VWA3A: variants seen among roughly 807,000 people sequenced by gnomAD.
The protein encoded by VWA3A is von Willebrand factor A domain containing 3A, also known as von Willebrand factor A domain-containing protein 3A.
A neutral mutation model predicts 160.4 loss-of-function variants in VWA3A; 134 were observed. That is an observed-to-expected ratio of 0.84 (90% confidence interval 0.73 to 0.96). The LOEUF is 0.96. Ranked by LOEUF, VWA3A falls within the 40% of genes least tolerant of loss-of-function variation. The pLI, the probability that VWA3A is intolerant of heterozygous loss-of-function variation, is 0.00. For synonymous variants in VWA3A, 476 were observed against 543.4 expected, an observed-to-expected ratio of 0.88 and a Z score of 1.72; for missense variants, 1,310 against 1,447.9, an observed-to-expected ratio of 0.90 and a Z score of 1.55.
intron 22 of VWA3A, among the ~76,000 whole-genome samples, chr16:22,139,041 T>G (rs899856793): frequency 1.3e-5 from 2 of 152,070 alleles, no homozygotes; most frequent in Non-Finnish European, 2.9e-5. Flanking sequence ...GCACCTGTGC[T>G]TGTGAGCAGA....
At chr16:22,142,161 T>C (rs2046162520) in intron 24 of VWA3A, among the ~76,000 whole-genome samples, 1 of 152,064 alleles carries the variant, frequency 6.6e-6, no homozygotes, top group African/African-American at 2.4e-5. Context: ...ACTGACTTGA[T>C]TGACAGAGAA....
intron 27 of VWA3A, chr16:22,147,590 G>A: frequency 1.4e-6 from 1 of 703,222 alleles, no homozygotes; most frequent in Non-Finnish European, 2.6e-6. Context: ...TCTGCAGTAG[G>A]ACCTGGTATA....
intron 10 of VWA3A, 73 bp downstream of exon 10, chr16:22,116,940 A>C: frequency 6.7e-7 from 1 of 1,483,366 alleles, no homozygotes; most frequent in South Asian, 1.1e-5. Flanking sequence ...TTGAGGCCTC[A>C]TGCTTGGACA....
At chr16:22,132,845 C>T (rs1324485826) in intron 19 of VWA3A, 55 bp from the exon 20 acceptor site, 4 of 1,560,544 alleles carry the variant, frequency 2.6e-6, no homozygotes, top group Non-Finnish European at 3.5e-6. Context: ...GCCCAGAGCC[C>T]CACAGCTTCA....
At chr16:22,118,123 A>C (rs2045675189) in intron 11 of VWA3A, among the ~76,000 whole-genome samples, 1 of 152,090 alleles carries the variant, frequency 6.6e-6, no homozygotes, top group South Asian at 2.1e-4. Context: ...TCTACAAAAA[A>C]TTTAAAAATT....
At chr16:22,094,981 A>C (rs1404286302) in intron 1 of VWA3A, among the ~76,000 whole-genome samples, 2 of 151,958 alleles carry the variant, frequency 1.3e-5, no homozygotes, top group African/African-American at 4.8e-5. Context: ...AAAAAAAAAA[A>C]AAAACCAAGG....
At chr16:22,101,545 T>A (rs770548783) in intron 5 of VWA3A, among the ~76,000 whole-genome samples, 1 of 152,076 alleles carries the variant, frequency 6.6e-6, no homozygotes, top group Non-Finnish European at 1.5e-5. Flanking sequence ...CTCACATTCA[T>A]GGCAGAAGAT....
chr16:22,128,551 A>G (rs1377861143), intron 17 of VWA3A, among the ~76,000 whole-genome samples: 1 of 152,224 alleles, frequency 6.6e-6, no homozygotes, highest in Non-Finnish European at 1.5e-5. Context: ...AAACAGAACT[A>G]CCATTCAAAG....
chr16:22,155,589 AAGG>A lies in VWA3A; in HGVS notation c.3431_3433del (p.Gly1144del). The A allele has an allele frequency of 1.2e-6, 2 of 1,613,940 alleles. No individual in the cohort carries two copies. Among genetic ancestry groups the A allele is most frequent in the South Asian group, 1.1e-5 (1 of 91,080 alleles). ...AAGGATCCCACATTGCCACCATTTGAAGGAGATGATTTAAGGATCCTGGCCCAG... is the reference window on the plus strand; with the variant it reads ...AAGGATCCCACATTGCCACCATTTGAAGATGATTTAAGGATCCTGGCCCAG... On this transcript the variant is annotated inframe_deletion, in exon 32 of 34. Coordinates refer to ENST00000389398, the MANE Select transcript of VWA3A (RefSeq NM_173615.5).
intron 15 of VWA3A, 128 bp from the exon 16 acceptor site, chr16:22,123,485 T>C (rs1206832137): frequency 3.2e-6 from 5 of 1,581,052 alleles, no homozygotes; most frequent in East Asian, 2.3e-5. Context: ...GGAATGATTA[T>C]ACTGCCTGGA....
intron 31 of VWA3A, 21 bp downstream of exon 31, chr16:22,152,655 G>C: frequency 6.3e-7 from 1 of 1,591,788 alleles, no homozygotes; most frequent in Non-Finnish European, 8.6e-7. Flanking sequence ...GAGCCACTGA[G>C]CATGAGGTCT....
At chr16:22,150,044 A>G in intron 29 of VWA3A, 113 bp downstream of exon 29, 1 of 1,366,632 alleles carries the variant, frequency 7.3e-7, no homozygotes, top group Non-Finnish European at 9.7e-7. Context: ...TTTACAAAGC[A>G]CTACATCATT....
intron 3 of VWA3A, among the ~76,000 whole-genome samples, chr16:22,099,480 C>G (rs1367998707): frequency 1.3e-5 from 2 of 152,142 alleles, no homozygotes; most frequent in Non-Finnish European, 2.9e-5. Context: ...TACCTCAGTT[C>G]CCTGGTCAGC....
intron 3 of VWA3A, among the ~76,000 whole-genome samples, chr16:22,098,653 A>G (rs979077010): frequency 2.6e-5 from 4 of 152,204 alleles, no homozygotes; most frequent in Non-Finnish European, 5.9e-5. Context: ...CATAATTAGC[A>G]TGGCCTAAAG....
chr16:22,115,637 G>C (rs536782270), intron 9 of VWA3A, among the ~76,000 whole-genome samples, 165 bp downstream of exon 9: 1 of 151,042 alleles, frequency 6.6e-6, no homozygotes, highest in Non-Finnish European at 1.5e-5. Context: ...TTTGTGACCA[G>C]TCTGGGCAAC....
chr16:22,144,582 C>T (rs2046214779), intron 26 of VWA3A, among the ~76,000 whole-genome samples, 198 bp downstream of exon 26: 1 of 152,020 alleles, frequency 6.6e-6, no homozygotes, highest in Admixed American at 6.6e-5. Flanking sequence ...GCCTAAGATC[C>T]CATTCCAGGG....
At chr16:22,118,562 T>G (rs1460007714) in intron 11 of VWA3A, among the ~76,000 whole-genome samples, 1 of 152,094 alleles carries the variant, frequency 6.6e-6, no homozygotes, top group Non-Finnish European at 1.5e-5. Flanking sequence ...GGCGGGCGCC[T>G]GTAGTCCCAG....
chr16:22,150,568 A>AG, intron 29 of VWA3A, 127 bp from the exon 30 acceptor site: 1 of 1,119,530 alleles, frequency 8.9e-7, no homozygotes, highest in South Asian at 1.7e-5. Context: ...CTTTTTGAAC[A>AG]GGTCAGTGGC....
At chr16:22,115,902 GA>G (rs1427633169) in intron 9 of VWA3A, among the ~76,000 whole-genome samples, 2 of 37,720 alleles carry the variant, frequency 5.3e-5, no homozygotes, top group Non-Finnish European at 7.9e-5. Flanking sequence ...AGGAAGGAAG[GA>G]AGGAAGGAAG....
Sources: gnomAD v4.1 joint callset for allele counts (sites outside exome capture counted in the v4.1 genomes callset) on GRCh38, gnomAD v4.1.1 for gene constraint, MANE v1.5 for transcripts, NCBI Gene and HGNC (gene_info 2026-07-23, HGNC 2026-07-21) for gene names.